COPB1: variants seen among roughly 807,000 people sequenced by gnomAD.
The protein encoded by COPB1 is coatomer subunit beta.
A neutral mutation model predicts 108.7 loss-of-function variants in COPB1; 21 were observed. The ratio of observed to expected loss-of-function variants is 0.19; its 90% CI spans 0.14 to 0.28. The LOEUF (loss-of-function observed/expected upper bound fraction) is 0.28, where lower values mean the gene tolerates loss of function less well. Ranked by LOEUF, COPB1 falls within the 10% of genes least tolerant of loss-of-function variation. The pLI is 1.00. For missense variants in COPB1, 919 were observed against 1,141.3 expected (o/e 0.81, Z 2.81); for synonymous variants, 378 against 386.8 (o/e 0.98, Z 0.27).
intron 14 of COPB1, among the ~76,000 whole-genome samples, chr11:14,471,537 AAAATC>A (rs1017599025): frequency 6.6e-5 from 10 of 152,358 alleles, no homozygotes; most frequent in Admixed American, 2.6e-4. Flanking sequence ...TTATTGCTCA[AAAATC>A]AAATCAATTA....
rs1301305632 is a variant in COPB1, at chr11:14,474,530, A to T, written c.1702T>A (p.Tyr568Asn). The change falls in exon 14 of 22, where the codon TAT becomes AAT. Residue 568 changes from tyrosine (Y) to asparagine (N), a missense_variant. Around this residue, in one of 5 missense-constraint regions of COPB1, gnomAD observed 705 missense variants for 817.8 expected, o/e 0.86. Coordinates refer to ENST00000439561, the MANE Select transcript of COPB1 (RefSeq NM_001144061.2). The stretch of plus-strand genomic sequence containing the variant: ...TTCTTCTCCTGAACCAAAGCTACAT[A>T]GCGCAATGCAATCTTGGTCAGAGTT... ...ATTLTKIALR[Y>N]VALVQEKKKQ... 4.3e-6 allele frequency: 7 copies of T among 1,613,800 alleles called. No homozygotes were observed. The highest frequency in any genetic ancestry group is 5.9e-6 in the Non-Finnish European group (7 of 1,179,858).
At chr11:14,469,993 C>G (rs1359987719) in intron 14 of COPB1, among the ~76,000 whole-genome samples, 1 of 152,182 alleles carries the variant, frequency 6.6e-6, no homozygotes, top group African/African-American at 2.4e-5. Context: ...CTCATAAATG[C>G]TTCAGCATTC....
At chr11:14,498,174 C>A (rs1851069189) in intron 2 of COPB1, among the ~76,000 whole-genome samples, 1 of 152,144 alleles carries the variant, frequency 6.6e-6, no homozygotes, top group South Asian at 2.1e-4. Context: ...GAAAGTGTAA[C>A]TGGATTGTCA....
chr11:14,476,534 G>C (rs1850523888), intron 12 of COPB1, among the ~76,000 whole-genome samples: 1 of 152,122 alleles, frequency 6.6e-6, no homozygotes, highest in South Asian at 2.1e-4. Context: ...AAGTTAGGTT[G>C]AGGAACTTAT....
chr11:14,464,577 C>A (rs980752526), intron 18 of COPB1, among the ~76,000 whole-genome samples: 3 of 152,138 alleles, frequency 2.0e-5, no homozygotes, highest in African/African-American at 7.2e-5. Context: ...ACACCATCTT[C>A]CTTTATAAAG....
intron 17 of COPB1, among the ~76,000 whole-genome samples, chr11:14,465,616 T>C (rs573212927): frequency 5.3e-5 from 8 of 152,312 alleles, no homozygotes; most frequent in Admixed American, 5.2e-4. Flanking sequence ...TAAAACAATC[T>C]GCATAAAGAC....
chr11:14,480,891 C>T lies in COPB1; in HGVS notation c.1080G>A (p.Leu360=), dbSNP rs1405857200. ...TATTTGTTTTTATCACTTCCTTCTT[C>T]AGGACAATAACCAGCTTATAGAATG... The part of the protein sequence containing the change: ...SRNVEELVIV[L]KKEVIKTNNV... Residue 360 remains leucine (L), a synonymous_variant, in exon 10 of 22, where the codon CTG becomes CTA. Coordinates refer to ENST00000439561, the MANE Select transcript of COPB1 (RefSeq NM_001144061.2). The T allele has an allele frequency of 2.5e-6, 4 of 1,613,880 alleles. No individual in the cohort carries two copies. The highest frequency in any genetic ancestry group is 4.5e-5 in the East Asian group (2 of 44,840).
At chr11:14,481,683 T>G (rs557258870) in intron 8 of COPB1, among the ~76,000 whole-genome samples, 64 of 152,364 alleles carry the variant, frequency 4.2e-4, no homozygotes, top group African/African-American at 1.5e-3. Flanking sequence ...AATGTAACAT[T>G]TAAAAGATGC....
intron 19 of COPB1, 70 bp from the exon 20 acceptor site, chr11:14,460,367 G>T: frequency 2.1e-6 from 2 of 958,890 alleles, no homozygotes; most frequent in Non-Finnish European, 1.6e-6. Flanking sequence ...TCACCAGTAT[G>T]TCATATTAAA....
In COPB1 at chr11:14,457,852, T is replaced by C; in HGVS notation, c.2834A>G (p.Asn945Ser). The C allele has an allele frequency of 6.3e-7, 1 of 1,590,720 alleles. No homozygotes were observed. The highest frequency in any genetic ancestry group is 8.6e-7 in the Non-Finnish European group (1 of 1,162,978). Residue 945 changes from asparagine (N) to serine (S), a missense_variant, in exon 22 of 22, where the codon AAC (asparagine) becomes AGC (serine). Physicochemically the swap from Asn to Ser is conservative, Grantham distance 46. This residue lies in a region of COPB1 where 705 missense variants were observed against 817.8 expected (regional missense o/e 0.86). Coordinates refer to ENST00000439561, the MANE Select transcript of COPB1 (RefSeq NM_001144061.2). The stretch of plus-strand genomic sequence containing the variant: ...TATACTAGTTTTCTTCTGTGACAAG[T>C]TGATTTTATCTCCAAGACTTAAGGC... ...GMALSLGDKI[N>S]LSQKKTSI is the part of the protein sequence containing the mutation.
chr11:14,493,586 G>A, intron 4 of COPB1, 56 bp downstream of exon 4: 1 of 1,441,976 alleles, frequency 6.9e-7, no homozygotes, highest in East Asian at 2.5e-5. Flanking sequence ...GGAACCACTA[G>A]TCTAAAAGAC....
intron 20 of COPB1, 136 bp from the exon 21 acceptor site, chr11:14,458,823 G>T: frequency 1.4e-6 from 1 of 730,552 alleles, no homozygotes. Flanking sequence ...GAGCTGGAGT[G>T]CAGTGGCGTG....
At chr11:14,458,443 A>G (rs758662605) in intron 21 of COPB1, 89 bp downstream of exon 21, 1 of 1,297,052 alleles carries the variant, frequency 7.7e-7, no homozygotes, top group Non-Finnish European at 1.1e-6. Flanking sequence ...CTAATGCTAA[A>G]AAGATACTAC....
At chr11:14,459,027 C>T (rs1325935346) in intron 20 of COPB1, among the ~76,000 whole-genome samples, 2 of 152,350 alleles carry the variant, frequency 1.3e-5, no homozygotes, top group East Asian at 3.9e-4. Flanking sequence ...CTCGGCCTCC[C>T]AAAATGCTGG....
chr11:14,470,666 C>T (rs1347369923), intron 14 of COPB1, among the ~76,000 whole-genome samples: 4 of 151,934 alleles, frequency 2.6e-5, no homozygotes, highest in Non-Finnish European at 5.9e-5. Flanking sequence ...AGTATATGTC[C>T]CCCAAGTTTG....
intron 5 of COPB1, 35 bp from the exon 6 acceptor site, chr11:14,488,619 C>T (rs779011243): frequency 5.7e-6 from 8 of 1,411,280 alleles, no homozygotes; most frequent in South Asian, 5.0e-5. Context: ...TCATTCTCCA[C>T]CTCATTCAAT....
chr11:14,495,952 T>C (rs1401795952), intron 2 of COPB1, among the ~76,000 whole-genome samples: 2 of 152,242 alleles, frequency 1.3e-5, no homozygotes, highest in Admixed American at 1.3e-4. Context: ...ATGTATATAA[T>C]GGTATCATTT....
chr11:14,492,002 C>G (rs536512578), intron 4 of COPB1, among the ~76,000 whole-genome samples: 6 of 152,292 alleles, frequency 3.9e-5, no homozygotes, highest in African/African-American at 1.4e-4. Flanking sequence ...CTTGCTTCAA[C>G]AATTATAATT....
chr11:14,479,699 T>C lies in COPB1; in HGVS notation c.1228A>G (p.Ser410Gly). Residue 410 changes from serine to glycine, a missense_variant, in exon 11 of 22, where the codon AGT becomes GGT. Physicochemically the swap from Ser to Gly is moderately conservative, Grantham distance 56. Transcript: ENST00000439561. ...GCAGCTGCTGCTTCGTTGTTGTCAC[T>C]GAGAAATTCCATTAACTAAAAGAAA... ...NVIPVLMEFL[S>G]DNNEAAAADV... 6.4e-7 allele frequency: 1 copy of C among 1,572,928 alleles called. No individual in the cohort carries two copies.
Sources: gnomAD v4.1 joint callset for allele counts (sites outside exome capture counted in the v4.1 genomes callset) on GRCh38, gnomAD v4.1.1 for gene constraint, gnomAD v4.1.1 regional missense constraint, MANE v1.5 for transcripts, NCBI Gene and HGNC (gene_info 2026-07-23, HGNC 2026-07-21) for gene names.